SYCP1: variants seen among roughly 807,000 people sequenced by gnomAD.
SYCP1 encodes synaptonemal complex protein 1.
SYCP1 carries 64 observed loss-of-function variants against 153.1 expected under a neutral mutation model. The ratio of observed to expected loss-of-function variants is 0.42; its 90% CI spans 0.34 to 0.51. SYCP1 has a LOEUF of 0.51. Among genes scored for constraint, SYCP1 ranks in the 20% least tolerant of loss-of-function variants. The pLI is 0.06. For missense variants in SYCP1, 997 were observed against 1,049.0 expected (o/e 0.95, Z 0.68); for synonymous variants, 384 against 341.8 (o/e 1.12, Z -1.36).
At chr1:114,953,827 C>A (rs778751813) in intron 27 of SYCP1, among the ~76,000 whole-genome samples, 11 of 152,158 alleles carry the variant, frequency 7.2e-5, no homozygotes, top group Middle Eastern at 3.4e-3. Flanking sequence ...AAAAACCTTG[C>A]TGGGATTTTG....
At chr1:114,884,930 T>C (rs1296301834) in intron 12 of SYCP1, among the ~76,000 whole-genome samples, 1 of 152,152 alleles carries the variant, frequency 6.6e-6, no homozygotes, top group African/African-American at 2.4e-5. Flanking sequence ...TATAGACTAG[T>C]ACCTGAGACT....
intron 23 of SYCP1, among the ~76,000 whole-genome samples, chr1:114,927,459 T>C (rs559418840): frequency 6.6e-6 from 1 of 152,300 alleles, no homozygotes; most frequent in African/African-American, 2.4e-5. Context: ...ATGCAGCTAT[T>C]ATAAACATCT....
At chr1:114,945,519 G>T (rs967585358) in intron 25 of SYCP1, among the ~76,000 whole-genome samples, 2 of 151,730 alleles carry the variant, frequency 1.3e-5, no homozygotes, top group African/African-American at 4.8e-5. Context: ...AAAAAAAGCT[G>T]CTGGAATACG....
At position 114,926,552 on chromosome 1, in the gene SYCP1, T is replaced by C; in HGVS notation, c.1915T>C (p.Tyr639His). 1.3e-6 allele frequency: 2 copies of C among 1,598,704 alleles called. No individual in the cohort carries two copies. Among genetic ancestry groups the C allele is most frequent in the African/African-American group, 1.3e-5 (1 of 74,218 alleles). ...GTAESKQLNV[Y>H]EIKVNKLELE... is the part of the protein sequence containing the mutation. Reference sequence around the variant, plus strand: ...AGCAGAAAGCAAGCAACTGAATGTTTATGAGATAAAGGTATTTGGCATCTT... The same window carrying C: ...AGCAGAAAGCAAGCAACTGAATGTTCATGAGATAAAGGTATTTGGCATCTT... The change falls in exon 23 of 32, where the codon TAT (tyrosine) becomes CAT (histidine). Residue 639 changes from tyrosine to histidine, a missense_variant. By Grantham distance (83) the Tyr-to-His change is moderately conservative. Transcript: ENST00000369522.
intron 21 of SYCP1, among the ~76,000 whole-genome samples, chr1:114,924,607 T>C (rs1011304356): frequency 6.6e-5 from 10 of 152,024 alleles, no homozygotes; most frequent in African/African-American, 2.4e-4. Context: ...GGGAGGATAA[T>C]ATTCTAAGTT....
intron 27 of SYCP1, among the ~76,000 whole-genome samples, chr1:114,951,350 A>G (rs1423327564): frequency 6.6e-6 from 1 of 152,230 alleles, no homozygotes; most frequent in Non-Finnish European, 1.5e-5. Flanking sequence ...TACCTTTGAA[A>G]AAAATGCCAT....
chr1:114,947,358 G>A (rs866740495), intron 27 of SYCP1, 38 bp downstream of exon 27: 1 of 1,446,164 alleles, frequency 6.9e-7, no homozygotes, highest in Non-Finnish European at 9.5e-7. Context: ...TGATTACAAG[G>A]TTTAGGGGCA....
intron 15 of SYCP1, among the ~76,000 whole-genome samples, chr1:114,893,366 G>C (rs913253910): frequency 3.5e-4 from 53 of 151,510 alleles, no homozygotes; most frequent in African/African-American, 1.2e-3. Flanking sequence ...ATCTGTATCT[G>C]TATCTCTATC....
Position 114,855,431 on chromosome 1 carries a change from GGGGCA to G in SYCP1, c.-24-8_-24-4del. The G allele has an allele frequency of 6.4e-7, 1 of 1,561,348 alleles. No homozygotes were observed. Among genetic ancestry groups the G allele is most frequent in the South Asian group, 1.2e-5 (1 of 86,464 alleles). ...ACTTTCCTTCCCCTCCCGCCCCCCCGGGGCAGTAGATATTTACAACCGTAACAGAG... is the reference window on the plus strand; with the variant it reads ...ACTTTCCTTCCCCTCCCGCCCCCCCGGTAGATATTTACAACCGTAACAGAG... On this transcript the variant is annotated splice_polypyrimidine_tract_variant and splice_region_variant and intron_variant, in intron 1 of 31. Coordinates refer to ENST00000369522, the MANE Select transcript of SYCP1 (RefSeq NM_003176.4).
At chr1:114,983,174 T>C (rs1673275945) in intron 29 of SYCP1, among the ~76,000 whole-genome samples, 1 of 152,116 alleles carries the variant, frequency 6.6e-6, no homozygotes, top group East Asian at 1.9e-4. Context: ...TGGTGAAAAC[T>C]TAGGGCCTTT....
intron 23 of SYCP1, among the ~76,000 whole-genome samples, chr1:114,940,540 G>T (rs1416082456): frequency 6.6e-6 from 1 of 152,088 alleles, no homozygotes; most frequent in Admixed American, 6.5e-5. Flanking sequence ...TTAGCCCAAT[G>T]CCCTCCTGTA....
At chr1:114,868,129 T>C (rs899570482) in intron 8 of SYCP1, among the ~76,000 whole-genome samples, 1 of 151,508 alleles carries the variant, frequency 6.6e-6, no homozygotes, top group Non-Finnish European at 1.5e-5. Flanking sequence ...ATTTTTTTTA[T>C]ACTTTTTTTT....
intron 15 of SYCP1, among the ~76,000 whole-genome samples, chr1:114,892,916 T>C (rs1666820985): frequency 6.6e-6 from 1 of 152,042 alleles, no homozygotes; most frequent in Admixed American, 6.5e-5. Context: ...GGGCTATAGC[T>C]GCTTAGAACT....
chr1:114,946,270 T>G lies in SYCP1; in HGVS notation c.2155-19T>G. 7.1e-7 allele frequency: 1 copy of G among 1,410,050 alleles called. No individual in the cohort carries two copies. Among genetic ancestry groups the G allele is most frequent in the Non-Finnish European group, 9.6e-7 (1 of 1,040,568 alleles). 87.3% of individuals were successfully genotyped at this position (1,410,050 alleles called of 1,614,324 possible). A position where few individuals can be genotyped will look rare whatever the true frequency, so the allele number is the denominator to read the frequency against. ...ATTCAGTTTTAATATATCTAAAATG[T>G]CTTCTTTGTTTAATATAGCACCAAT... On this transcript the variant is annotated intron_variant, in intron 25 of 31. Transcript: ENST00000369522.
chr1:114,965,378 G>C (rs1454872360), intron 27 of SYCP1, among the ~76,000 whole-genome samples: 1 of 152,126 alleles, frequency 6.6e-6, no homozygotes, highest in Admixed American at 6.5e-5. Flanking sequence ...TCCCTGGCCA[G>C]AACTTCCCAT....
intron 6 of SYCP1, 120 bp downstream of exon 6, chr1:114,858,831 GA>G (rs985461500): frequency 1.1e-6 from 1 of 893,704 alleles, no homozygotes; most frequent in African/African-American, 1.7e-5. Flanking sequence ...ATATTTTAAG[GA>G]TAATGCTTTT....
chr1:114,954,018 A>G (rs1006872911), intron 27 of SYCP1, among the ~76,000 whole-genome samples: 13 of 152,030 alleles, frequency 8.6e-5, no homozygotes, highest in African/African-American at 3.1e-4. Flanking sequence ...ATGTATATCT[A>G]TTTCATTTCC....
chr1:114,973,977 ATTG>A (rs750381197), intron 27 of SYCP1, among the ~76,000 whole-genome samples: 37 of 151,602 alleles, frequency 2.4e-4, no homozygotes, highest in Admixed American at 1.3e-4. Context: ...ATACTAATTC[ATTG>A]TTTTTTTTGG....
At chr1:114,968,623 G>A (rs1672291900) in intron 27 of SYCP1, among the ~76,000 whole-genome samples, 1 of 152,100 alleles carries the variant, frequency 6.6e-6, no homozygotes, top group Non-Finnish European at 1.5e-5. Flanking sequence ...GTTAGAACAT[G>A]CTTTTTTAGC....
Sources: allele counts gnomAD v4.1 joint callset (sites outside exome capture counted in the v4.1 genomes callset), GRCh38; gene constraint gnomAD v4.1.1; transcripts MANE v1.5; gene names NCBI Gene and HGNC (gene_info 2026-07-23, HGNC 2026-07-21).